The following JAZF1 variants were observed in gnomAD, a reference collection of about 807,000 sequenced individuals.
JAZF1 encodes the protein JAZF zinc finger 1.
In JAZF1, 8 loss-of-function variants were observed where a neutral mutation model predicts 26.4. The ratio of observed to expected loss-of-function variants is 0.30; its 90% CI spans 0.18 to 0.55. JAZF1 has a LOEUF of 0.55. Among genes scored for constraint, JAZF1 ranks in the 20% least tolerant of loss-of-function variants. The pLI is 0.94. For missense variants in JAZF1, 199 were observed against 322.0 expected (o/e 0.62, Z 2.92); for synonymous variants, 126 against 122.3 (o/e 1.03, Z -0.20).
intron 1 of JAZF1, among the ~76,000 whole-genome samples, chr7:28,142,912 G>A (rs1782978778): frequency 1.3e-5 from 2 of 152,200 alleles, no homozygotes; most frequent in African/African-American, 4.8e-5. Context: ...ACCCTGCCTA[G>A]AGCTTCTTCT....
intron 3 of JAZF1, among the ~76,000 whole-genome samples, chr7:27,873,615 T>C (rs999420831): frequency 2.6e-5 from 4 of 152,228 alleles, no homozygotes; most frequent in African/African-American, 9.6e-5. Context: ...GTTAACTGAA[T>C]TGTTGCCAGT....
chr7:27,992,879 C>G (rs374664649), intron 1 of JAZF1, among the ~76,000 whole-genome samples: 1 of 152,090 alleles, frequency 6.6e-6, no homozygotes, highest in East Asian at 1.9e-4. Flanking sequence ...GGCAGTAACC[C>G]CTTCTTTGAT....
intron 1 of JAZF1, among the ~76,000 whole-genome samples, chr7:28,094,810 G>C (rs938104861): frequency 3.6e-4 from 54 of 151,982 alleles, no homozygotes; most frequent in African/African-American, 1.2e-3. Context: ...TGGCCAGAGG[G>C]GACCAAGGGC....
intron 1 of JAZF1, chr7:28,118,231 T>G (rs1164086319): frequency 6.6e-6 from 1 of 152,228 alleles, no homozygotes; most frequent in Non-Finnish European, 1.5e-5. Flanking sequence ...AAAAGAATGT[T>G]TCTGGCCAGG....
In JAZF1 at chr7:27,968,601, C is replaced by G. The variant is rs530551320; in HGVS notation, c.188+23308G>C. ...TCTTAGCCCTTGAGACAAATTTATG[C>G]CAAACACCAGAAAGTGCTATTTTCA... On this transcript the variant is annotated intron_variant, in intron 2 of 4. Coordinates refer to ENST00000283928, the MANE Select transcript of JAZF1 (RefSeq NM_175061.4). Among the ~76,000 whole-genome samples, 5 of 152,268 alleles carry G rather than the reference C, an allele frequency of 3.3e-5. No individual in the cohort carries two copies. In the East Asian group the frequency reaches 7.7e-4, roughly 23 times the overall value.
chr7:27,923,661 C>A (rs1359639478), intron 2 of JAZF1, among the ~76,000 whole-genome samples: 5 of 152,064 alleles, frequency 3.3e-5, no homozygotes, highest in African/African-American at 1.2e-4. Flanking sequence ...TGCAGCCCCC[C>A]AGCCCTGTCC....
chr7:27,976,401 C>T (rs35846584), intron 2 of JAZF1, among the ~76,000 whole-genome samples: 34,671 of 147,760 alleles, frequency 0.23, 4,445 homozygotes, highest in East Asian at 0.49. Context: ...ACAATGAGCA[C>T]ACCAAATCAA....
chr7:28,178,982 G>A (rs1487487904), intron 1 of JAZF1, among the ~76,000 whole-genome samples: 2 of 152,212 alleles, frequency 1.3e-5, no homozygotes, highest in East Asian at 1.9e-4. Context: ...TTATTAAGCA[G>A]CCACTGTGTG....
chr7:28,002,749 C>G (rs528709750), intron 1 of JAZF1, among the ~76,000 whole-genome samples: 13 of 152,252 alleles, frequency 8.5e-5, no homozygotes, highest in African/African-American at 2.2e-4. Flanking sequence ...TATTTTCCCC[C>G]CTTTCCCTCC....
At chr7:28,071,194 C>T (rs913660032) in intron 1 of JAZF1, among the ~76,000 whole-genome samples, 1 of 152,166 alleles carries the variant, frequency 6.6e-6, no homozygotes. Flanking sequence ...CTAGGTGTAG[C>T]CGGAAGCCAG....
intron 2 of JAZF1, among the ~76,000 whole-genome samples, chr7:27,989,096 G>C (rs948544956): frequency 6.6e-6 from 1 of 152,040 alleles, no homozygotes; most frequent in Admixed American, 6.6e-5. Flanking sequence ...CAGAGATGTA[G>C]ACCAAAGGAA....
intron 1 of JAZF1, among the ~76,000 whole-genome samples, chr7:28,093,818 G>T (rs181549284): frequency 6.6e-6 from 1 of 152,104 alleles, no homozygotes; most frequent in Admixed American, 6.5e-5. Flanking sequence ...ATGCTGTAGC[G>T]CCCCCCTGTG....
chr7:28,028,127 C>T (rs1783123696), intron 1 of JAZF1, among the ~76,000 whole-genome samples: 1 of 152,142 alleles, frequency 6.6e-6, no homozygotes, highest in African/African-American at 2.4e-5. Flanking sequence ...AGCCCAAGTT[C>T]AATATGAAAC....
intron 3 of JAZF1, among the ~76,000 whole-genome samples, chr7:27,867,478 G>C (rs994120155): frequency 6.6e-6 from 1 of 152,184 alleles, no homozygotes; most frequent in Non-Finnish European, 1.5e-5. Flanking sequence ...CATGAAAAAC[G>C]AGTTTTATGA....
intron 1 of JAZF1, among the ~76,000 whole-genome samples, chr7:28,116,790 C>G (rs1464432012): frequency 6.6e-6 from 1 of 152,038 alleles, no homozygotes; most frequent in African/African-American, 2.4e-5. Context: ...TGTTCATATC[C>G]TTTGCCTAGG....
At chr7:28,135,719 C>A (rs371358130) in intron 1 of JAZF1, among the ~76,000 whole-genome samples, 1 of 152,126 alleles carries the variant, frequency 6.6e-6, no homozygotes, top group African/African-American at 2.4e-5. Context: ...CTATAAAATA[C>A]CTCTTAAAAA....
intron 2 of JAZF1, among the ~76,000 whole-genome samples, chr7:27,929,533 C>A (rs1784652514): frequency 1.3e-5 from 2 of 152,212 alleles, no homozygotes; most frequent in African/African-American, 4.8e-5. Context: ...CAGTTACAAG[C>A]ACTTTAGCTT....
At chr7:28,057,199 G>A (rs1190758963) in intron 1 of JAZF1, among the ~76,000 whole-genome samples, 1 of 152,146 alleles carries the variant, frequency 6.6e-6, no homozygotes, top group Non-Finnish European at 1.5e-5. Flanking sequence ...TAAACAATTT[G>A]CTAAATAAAT....
intron 3 of JAZF1, among the ~76,000 whole-genome samples, chr7:27,874,426 A>T (rs896663959): frequency 6.6e-6 from 1 of 152,166 alleles, no homozygotes; most frequent in African/African-American, 2.4e-5. Flanking sequence ...GTGCAGAGGG[A>T]GCTGTCATGT....
Sources: allele counts gnomAD v4.1 joint callset (sites outside exome capture counted in the v4.1 genomes callset), GRCh38; gene constraint gnomAD v4.1.1; transcripts MANE v1.5; gene names NCBI Gene and HGNC (gene_info 2026-07-23, HGNC 2026-07-21).